HS6ST3: variants seen among roughly 807,000 people sequenced by gnomAD.
HS6ST3 encodes heparan-sulfate 6-O-sulfotransferase 3.
HS6ST3 carries 12 observed loss-of-function variants against 36.7 expected under a neutral mutation model. The ratio of observed to expected loss-of-function variants is 0.33; its 90% CI spans 0.21 to 0.53. HS6ST3 has a LOEUF of 0.53. HS6ST3 is among the 20% of genes least tolerant of loss of function. The pLI is 0.95. For missense variants in HS6ST3, 584 were observed against 640.9 expected (o/e 0.91, Z 0.96); for synonymous variants, 240 against 257.5 (o/e 0.93, Z 0.65).
At position 96,728,367 on chromosome 13, in the gene HS6ST3, T is replaced by G. The variant is rs565896845; in HGVS notation, c.708-104123T>G. On this transcript the variant is annotated intron_variant, in intron 1 of 1. Coordinates refer to ENST00000376705, the MANE Select transcript of HS6ST3 (RefSeq NM_153456.4). Reference sequence around the variant, plus strand: ...AATTCAGGATTCAGGTCTTATAGATTAGGGCAGTTTCCATGGTATCATTCT... The same window carrying G: ...AATTCAGGATTCAGGTCTTATAGATGAGGGCAGTTTCCATGGTATCATTCT... Among the ~76,000 whole-genome samples the G allele has an allele frequency of 1.7e-3, 255 of 152,308 alleles. 2 individuals carry two copies. The highest frequency in any genetic ancestry group is 3.1e-4 in the Non-Finnish European group (21 of 68,026).
At chr13:96,303,285 CT>C (rs1036496105) in intron 1 of HS6ST3, among the ~76,000 whole-genome samples, 26 of 152,280 alleles carry the variant, frequency 1.7e-4, no homozygotes, top group Admixed American at 3.3e-4. Context: ...CAAGTTGACT[CT>C]TTTGCTGAAG....
chr13:96,169,369 G>A (rs1315425408), intron 1 of HS6ST3, among the ~76,000 whole-genome samples: 1 of 152,040 alleles, frequency 6.6e-6, no homozygotes, highest in East Asian at 1.9e-4. Context: ...TGGTAGCATT[G>A]GAATGTTAGA....
intron 1 of HS6ST3, among the ~76,000 whole-genome samples, chr13:96,747,206 C>T (rs1876583269): frequency 6.6e-6 from 1 of 152,100 alleles, no homozygotes; most frequent in African/African-American, 2.4e-5. Context: ...TCTCTATTAT[C>T]CCATTGCCAT....
chr13:96,615,628 G>A (rs916210151), intron 1 of HS6ST3, among the ~76,000 whole-genome samples: 1 of 152,208 alleles, frequency 6.6e-6, no homozygotes, highest in African/African-American at 2.4e-5. Flanking sequence ...CTAGTTTGAA[G>A]TTCTGAACCT....
At chr13:96,132,502 G>A (rs1012800269) in intron 1 of HS6ST3, among the ~76,000 whole-genome samples, 3 of 151,818 alleles carry the variant, frequency 2.0e-5, no homozygotes, top group Non-Finnish European at 4.4e-5. Context: ...GACCTTACAG[G>A]CCCAAGCAGT....
intron 1 of HS6ST3, among the ~76,000 whole-genome samples, chr13:96,445,927 C>A (rs1344314116): frequency 6.6e-6 from 1 of 152,006 alleles, no homozygotes; most frequent in African/African-American, 2.4e-5. Context: ...AATCCCAGCA[C>A]TTTGGGAGGC....
chr13:96,708,234 A>G (rs1214041077), intron 1 of HS6ST3, among the ~76,000 whole-genome samples: 1 of 152,216 alleles, frequency 6.6e-6, no homozygotes, highest in African/African-American at 2.4e-5. Context: ...TGCACTTAGA[A>G]GCCACTTTAC....
At chr13:96,791,200 TG>T (rs1364242155) in intron 1 of HS6ST3, among the ~76,000 whole-genome samples, 2 of 152,076 alleles carry the variant, frequency 1.3e-5, no homozygotes, top group African/African-American at 2.4e-5. Flanking sequence ...TATTGAATCT[TG>T]ACGAACCTCT....
At chr13:96,382,897 A>T (rs1408415491) in intron 1 of HS6ST3, among the ~76,000 whole-genome samples, 4 of 152,244 alleles carry the variant, frequency 2.6e-5, no homozygotes. Flanking sequence ...CATTCTATTA[A>T]TAGCAGTGAA....
chr13:96,397,801 C>G (rs1381505222), intron 1 of HS6ST3, among the ~76,000 whole-genome samples: 1 of 152,210 alleles, frequency 6.6e-6, no homozygotes, highest in African/African-American at 2.4e-5. Flanking sequence ...TAAGCACTTA[C>G]AGTGTGTGAA....
chr13:96,425,825 G>A (rs979380764), intron 1 of HS6ST3, among the ~76,000 whole-genome samples: 1 of 151,890 alleles, frequency 6.6e-6, no homozygotes, highest in Non-Finnish European at 1.5e-5. Context: ...TATCACAAAT[G>A]GTGGCTTCCA....
intron 1 of HS6ST3, among the ~76,000 whole-genome samples, chr13:96,402,357 T>C (rs2055456212): frequency 6.6e-6 from 1 of 152,232 alleles, no homozygotes; most frequent in Non-Finnish European, 1.5e-5. Flanking sequence ...ATTTATATAA[T>C]GAATACTATA....
intron 1 of HS6ST3, among the ~76,000 whole-genome samples, chr13:96,672,167 T>G (rs1220954851): frequency 6.6e-6 from 1 of 152,196 alleles, no homozygotes; most frequent in African/African-American, 2.4e-5. Flanking sequence ...TGCTCTCTTG[T>G]GTCTTCTTAT....
chr13:96,301,443 A>G (rs185790357), intron 1 of HS6ST3, among the ~76,000 whole-genome samples: 1 of 152,176 alleles, frequency 6.6e-6, no homozygotes. Flanking sequence ...GGCAAAGTGC[A>G]ATGGGAAGAA....
chr13:96,320,575 T>G (rs1004894350), intron 1 of HS6ST3, among the ~76,000 whole-genome samples: 1 of 152,216 alleles, frequency 6.6e-6, no homozygotes, highest in Non-Finnish European at 1.5e-5. Flanking sequence ...GAGATTGGAT[T>G]AAGATGACAC....
chr13:96,685,932 C>T (rs1310616268), intron 1 of HS6ST3, among the ~76,000 whole-genome samples: 1 of 152,016 alleles, frequency 6.6e-6, no homozygotes, highest in Non-Finnish European at 1.5e-5. Context: ...TAGGTGCTCA[C>T]TTAATGACAG....
intron 1 of HS6ST3, among the ~76,000 whole-genome samples, chr13:96,765,229 C>T (rs1176479321): frequency 1.3e-5 from 2 of 151,974 alleles, no homozygotes; most frequent in African/African-American, 4.8e-5. Context: ...GCCGCCACCG[C>T]GCCTGGCTAA....
intron 1 of HS6ST3, among the ~76,000 whole-genome samples, chr13:96,688,818 CA>C: frequency 6.6e-6 from 1 of 152,150 alleles, no homozygotes; most frequent in East Asian, 1.9e-4. Flanking sequence ...GGTTAGAGTA[CA>C]CCGTGCTTTG....
chr13:96,125,059 A>G (rs1242721305), intron 1 of HS6ST3, among the ~76,000 whole-genome samples: 1 of 152,158 alleles, frequency 6.6e-6, no homozygotes, highest in Non-Finnish European at 1.5e-5. Context: ...AAAGTAAAGC[A>G]CTGGCTATTT....
Sources: allele counts gnomAD v4.1 joint callset (sites outside exome capture counted in the v4.1 genomes callset), GRCh38; gene constraint gnomAD v4.1.1; transcripts MANE v1.5; gene names NCBI Gene and HGNC (gene_info 2026-07-23, HGNC 2026-07-21).